The following MMP9 variants were observed in gnomAD, a reference collection of about 807,000 sequenced individuals.
MMP9 encodes matrix metallopeptidase 9, also known as matrix metalloproteinase-9.
In MMP9, 73 loss-of-function variants were observed where a neutral mutation model predicts 76.4. The ratio of observed to expected loss-of-function variants is 0.96; its 90% confidence interval spans 0.79 to 1.16. MMP9 has a LOEUF of 1.16. MMP9 is among the 50% of genes most tolerant of loss of function. MMP9 has a pLI of 0.00. For missense variants in MMP9, 943 were observed against 973.0 expected (o/e 0.97, Z 0.41); for synonymous variants, 412 against 408.4 (o/e 1.01, Z -0.11).
In MMP9 at chr20:46,011,166, G is replaced by T. The variant is rs1848821542; in HGVS notation, c.673G>T (p.Ala225Ser). ...AGTGGTTCCAACTCGGTTTGGAAAC[G>T]CAGATGGCGCGGCCTGCCACTTCCC... ...GVVVPTRFGNADGAACHFPFI... is the reference protein window; with the variant it reads ...GVVVPTRFGNSDGAACHFPFI... Residue 225 changes from alanine to serine, a missense_variant, in exon 5 of 13, where the codon GCA becomes TCA. Coordinates refer to ENST00000372330, the MANE Select transcript of MMP9 (RefSeq NM_004994.3). The T allele has an allele frequency of 6.2e-7, 1 of 1,614,102 alleles. No homozygotes were observed. Among genetic ancestry groups the T allele is most frequent in the Non-Finnish European group, 8.5e-7 (1 of 1,180,034 alleles).
chr20:46,011,411 G>C, intron 5 of MMP9, 95 bp downstream of exon 5: 1 of 1,568,558 alleles, frequency 6.4e-7, no homozygotes, highest in Non-Finnish European at 8.7e-7. Context: ...TGTGTGGCCT[G>C]CAATTCACCC....
chr20:46,010,832 C>A, intron 3 of MMP9, 90 bp from the exon 4 acceptor site: 2 of 1,608,308 alleles, frequency 1.2e-6, no homozygotes, highest in Non-Finnish European at 8.5e-7. Flanking sequence ...GATTTCAGCC[C>A]GCACTTATTT....
chr20:46,008,966 C>A lies in MMP9; in HGVS notation c.40C>A (p.Leu14Met), dbSNP rs1394084492. Residue 14 changes from leucine to methionine, a missense_variant, in exon 1 of 13, where the codon CTG becomes ATG. By Grantham distance (15) the Leu-to-Met change is conservative. Transcript: ENST00000372330. The stretch of plus-strand genomic sequence containing the variant: ...GCCCCTGGTCCTGGTGCTCCTGGTG[C>A]TGGGCTGCTGCTTTGCTGCCCCCAG... The part of the protein sequence containing the change: ...WQPLVLVLLV[L>M]GCCFAAPRQR... 2 of 1,614,014 alleles carry A rather than the reference C, an allele frequency of 1.2e-6. No homozygotes were observed. The highest frequency in any genetic ancestry group is 2.2e-5 in the South Asian group (2 of 91,064).
chr20:46,014,167 G>T lies in MMP9; in HGVS notation c.1794G>T (p.Pro598=). The T allele has an allele frequency of 6.5e-7, 1 of 1,538,206 alleles. No individual in the cohort carries two copies. Among genetic ancestry groups the T allele is most frequent in the South Asian group, 1.2e-5 (1 of 83,964 alleles). The change falls in exon 11 of 13, where the codon CCG becomes CCT. Residue 598 remains proline, a synonymous_variant. Coordinates refer to ENST00000372330, the MANE Select transcript of MMP9 (RefSeq NM_004994.3). ...ACACAGGCGCGTCGGTGCTGGGCCC[G>T]AGGCGTCTGGACAAGCTGGGCCTGG... is the stretch of plus-strand genomic sequence containing the variant. ...WVYTGASVLG[P]RRLDKLGLGA...
chr20:46,010,004 G>T lies in MMP9; in HGVS notation c.277G>T (p.Ala93Ser). ...TGAGCTGGATAGCGCCACGCTGAAG[G>T]CCATGCGAACCCCACGGTGCGGGGT... Reference protein sequence around the residue: ...TGELDSATLKAMRTPRCGVPD... With the variant: ...TGELDSATLKSMRTPRCGVPD... Residue 93 changes from alanine to serine, a missense_variant, in exon 2 of 13, where the codon GCC (alanine) becomes TCC (serine). Physicochemically the swap from Ala to Ser is moderately conservative, Grantham distance 99. Transcript: ENST00000372330. 2 of 1,551,708 alleles carry T rather than the reference G, an allele frequency of 1.3e-6. No homozygotes were observed. Among genetic ancestry groups the T allele is most frequent in the Non-Finnish European group, 1.7e-6 (2 of 1,146,994 alleles).
chr20:46,011,408 C>T, intron 5 of MMP9, 92 bp downstream of exon 5: 1 of 1,572,946 alleles, frequency 6.4e-7, no homozygotes, highest in South Asian at 1.1e-5. Flanking sequence ...TGCTGTGTGG[C>T]CTGCAATTCA....
chr20:46,015,611 T>C (rs1345545826), intron 12 of MMP9, among the ~76,000 whole-genome samples: 1 of 151,870 alleles, frequency 6.6e-6, no homozygotes, highest in East Asian at 1.9e-4. Flanking sequence ...CCACCACGCT[T>C]GGCTAATTTT....
chr20:46,012,706 C>T, intron 8 of MMP9, 124 bp downstream of exon 8: 3 of 1,410,594 alleles, frequency 2.1e-6, no homozygotes, highest in Non-Finnish European at 1.9e-6. Context: ...ACCTCAACGT[C>T]TGTCTGGAAG....
intron 12 of MMP9, 148 bp downstream of exon 12, chr20:46,014,622 T>A: frequency 1.2e-6 from 1 of 861,182 alleles, no homozygotes; most frequent in East Asian, 2.7e-5. Flanking sequence ...AGAGGCCTTC[T>A]CCAGGTCATT....
At chr20:46,009,181 G>A (rs1008036248) in intron 1 of MMP9, 117 bp downstream of exon 1, 18 of 1,162,938 alleles carry the variant, frequency 1.5e-5, no homozygotes, top group African/African-American at 3.0e-5. Flanking sequence ...GGTGATGGGC[G>A]TATCTGAAGA....
Position 46,012,203 on chromosome 20 carries a change from G to A in MMP9, c.1064G>A (p.Gly355Asp), listed in dbSNP as rs2084284764. Residue 355 changes from glycine to aspartate, a missense_variant, in exon 7 of 13, where the codon GGT becomes GAT. By Grantham distance (94) the Gly-to-Asp change is moderately conservative (BLOSUM62 -1). Transcript: ENST00000372330. ...TGCGTCTTCCCCTTCACTTTCCTGGGTAAGGAGTACTCGACCTGTACCAGC... is the reference window on the plus strand; with the variant it reads ...TGCGTCTTCCCCTTCACTTTCCTGGATAAGGAGTACTCGACCTGTACCAGC... ...ELCVFPFTFLGKEYSTCTSEG... is the reference protein window; with the variant it reads ...ELCVFPFTFLDKEYSTCTSEG... 3 of 1,614,054 alleles carry A rather than the reference G, an allele frequency of 1.9e-6. No homozygotes were observed. Among genetic ancestry groups the A allele is most frequent in the Middle Eastern group, 1.6e-4 (1 of 6,084 alleles).
intron 10 of MMP9, 60 bp from the exon 11 acceptor site, chr20:46,014,064 G>T (rs936678519): frequency 3.3e-6 from 5 of 1,531,646 alleles, no homozygotes; most frequent in Non-Finnish European, 4.4e-6. Flanking sequence ...CCCTCCTCGC[G>T]TTCTAGGAGT....
intron 8 of MMP9, among the ~76,000 whole-genome samples, 172 bp downstream of exon 8, chr20:46,012,754 G>C (rs1600576088): frequency 6.6e-6 from 1 of 152,198 alleles, no homozygotes. Flanking sequence ...TCAGTGCTTA[G>C]AGGTGGTGAT....
rs2084299866 is a variant in MMP9 at position 46,013,695 on chromosome 20, C to T, written c.1649C>T (p.Pro550Leu). Residue 550 changes from proline (P) to leucine (L), a missense_variant, in exon 10 of 13, where the codon CCG becomes CTG. Physicochemically the swap from Pro to Leu is moderately conservative, Grantham distance 98. Transcript: ENST00000372330. This position sits in a 1 kb window ranked among gnomAD's most constrained non-coding sequence, Gnocchi z 4.5. The part of the protein sequence containing the change: ...WRFSEGRGSR[P>L]QGPFLIADKW... ...TTCTCTGAGGGCAGGGGGAGCCGGC[C>T]GCAGGGCCCCTTCCTTATCGCCGAC... The T allele has an allele frequency of 2.5e-6, 4 of 1,613,622 alleles. No individual in the cohort carries two copies. In the African/African-American group the frequency reaches 5.3e-5, roughly 22 times the overall value.
chr20:46,013,890 T>C lies in MMP9; in HGVS notation c.1750+94T>C. On this transcript the variant is annotated intron_variant, in intron 10 of 12. Coordinates refer to ENST00000372330, the MANE Select transcript of MMP9 (RefSeq NM_004994.3). The surrounding 1 kb of genome is among the most constrained non-coding windows in gnomAD (Gnocchi z 4.5). ...GATAACCCACGAAACGTCTTGTGCG[T>C]TTTAGAAAAATACGCCCCCTGGCGG... is the stretch of plus-strand genomic sequence containing the variant. 1 of 1,554,768 alleles carries C rather than the reference T, an allele frequency of 6.4e-7. No homozygotes were observed. The highest frequency in any genetic ancestry group is 8.8e-7 in the Non-Finnish European group (1 of 1,142,600).
rs200232624 is a variant in MMP9, at chr20:46,012,306, G to T, written c.1167G>T (p.Pro389=). The T allele has an allele frequency of 6.2e-7, 1 of 1,613,272 alleles. No homozygotes were observed. ...FDSDKKWGFC[P]DQGYSLFLVA... is the part of the protein sequence containing the mutation. ...GCGACAAGAAGTGGGGCTTCTGCCC[G>T]GACCAAGGTAGGCGTGGTCCCGCGG... Residue 389 remains proline, a synonymous_variant, in exon 7 of 13, where the codon CCG becomes CCT. Transcript: ENST00000372330.
chr20:46,013,952 G>GC lies in MMP9; in HGVS notation c.1750+161dup. ...CAAACGTAGGGGCGGCTGAGTTTCT[G>GC]CCCCCTCCTCTCCACGCCCTCGCGT... On this transcript the variant is annotated intron_variant, in intron 10 of 12. Coordinates refer to ENST00000372330, the MANE Select transcript of MMP9 (RefSeq NM_004994.3). This position sits in a 1 kb window ranked among gnomAD's most constrained non-coding sequence, Gnocchi z 4.5. 2 of 1,393,888 alleles carry GC rather than the reference G, an allele frequency of 1.4e-6. No homozygotes were observed. The highest frequency in any genetic ancestry group is 1.9e-6 in the Non-Finnish European group (2 of 1,026,692). 86.3% of individuals were successfully genotyped at this position (1,393,888 alleles called of 1,614,324 possible). A position where few individuals can be genotyped will look rare whatever the true frequency, so the allele number is the denominator to read the frequency against.
intron 4 of MMP9, 45 bp from the exon 5 acceptor site, chr20:46,011,098 A>T (rs201895856): frequency 6.2e-7 from 1 of 1,612,932 alleles, no homozygotes; most frequent in Non-Finnish European, 8.5e-7. Context: ...ATTCTCTCCC[A>T]CTCATCACCC....
chr20:46,014,388 A>AGATGGTGGATCCCCGGAGCGCC lies in MMP9; in HGVS notation c.1920_1941dup (p.Ser648AspfsTer47). Reference sequence around the variant, plus strand: ...GCCCGCAGGTTCGACGTGAAGGCGCAGATGGTGGATCCCCGGAGCGCCAGC... The same window carrying AGATGGTGGATCCCCGGAGCGCC: ...GCCCGCAGGTTCGACGTGAAGGCGCAGATGGTGGATCCCCGGAGCGCCGATGGTGGATCCCCGGAGCGCCAGC... On this transcript the variant is annotated frameshift_variant, in exon 12 of 13. Coordinates refer to ENST00000372330, the MANE Select transcript of MMP9 (RefSeq NM_004994.3). LOFTEE classifies it high-confidence loss of function. The AGATGGTGGATCCCCGGAGCGCC allele has an allele frequency of 6.5e-7, 1 of 1,549,106 alleles. No homozygotes were observed. The highest frequency in any genetic ancestry group is 8.7e-7 in the Non-Finnish European group (1 of 1,146,968).
Sources: gnomAD v4.1 joint callset for allele counts (sites outside exome capture counted in the v4.1 genomes callset) on GRCh38, gnomAD v4.1.1 for gene constraint, Gnocchi (gnomAD v3.1) non-coding constraint, MANE v1.5 for transcripts, NCBI Gene and HGNC (gene_info 2026-07-23, HGNC 2026-07-21) for gene names.